PTPRD: variants seen among roughly 807,000 people sequenced by gnomAD.
PTPRD encodes the protein protein tyrosine phosphatase receptor type D.
In PTPRD, 34 loss-of-function variants were observed where a neutral mutation model predicts 214.5. The observed-to-expected ratio is 0.16, with a 90% CI of 0.12 to 0.21. PTPRD has a LOEUF of 0.21. Among genes scored for constraint, PTPRD ranks in the 10% least tolerant of loss-of-function variants. The pLI, the probability that PTPRD is intolerant of heterozygous loss-of-function variation, is 1.00. For missense variants in PTPRD, 2,545 were observed against 2,398.7 expected (o/e 1.06, Z -1.27); for synonymous variants, 1,128 against 845.7 (o/e 1.33, Z -5.79).
chr9:10,507,148 C>T (rs1446084061), intron 2 of PTPRD, among the ~76,000 whole-genome samples: 1 of 152,052 alleles, frequency 6.6e-6, no homozygotes, highest in African/African-American at 2.4e-5. Context: ...TCTTATACAC[C>T]AATAACAGAC....
chr9:10,483,975 G>T, intron 2 of PTPRD, among the ~76,000 whole-genome samples: 1 of 152,156 alleles, frequency 6.6e-6, no homozygotes, highest in East Asian at 1.9e-4. Flanking sequence ...ATTCAAACAT[G>T]TATATCGCAG....
chr9:9,222,748 GT>G (rs1326382844), intron 9 of PTPRD, among the ~76,000 whole-genome samples: 1 of 151,942 alleles, frequency 6.6e-6, no homozygotes, highest in Non-Finnish European at 1.5e-5. Context: ...AATAGATGTT[GT>G]TTACAGTTTG....
intron 8 of PTPRD, among the ~76,000 whole-genome samples, chr9:9,516,512 T>G (rs1234728379): frequency 2.0e-5 from 3 of 149,880 alleles, no homozygotes; most frequent in African/African-American, 7.3e-5. Context: ...TATATATACA[T>G]ATATATTTAT....
At chr9:10,057,398 AG>A (rs2097673714) in intron 3 of PTPRD, among the ~76,000 whole-genome samples, 1 of 152,184 alleles carries the variant, frequency 6.6e-6, no homozygotes, top group Non-Finnish European at 1.5e-5. Context: ...AAAGAAGCCC[AG>A]AGTTTAACAG....
At chr9:8,603,355 TA>T (rs1244507421) in intron 14 of PTPRD, among the ~76,000 whole-genome samples, 23 of 152,192 alleles carry the variant, frequency 1.5e-4, no homozygotes, top group African/African-American at 5.5e-4. Flanking sequence ...ATATTGTACT[TA>T]GACAACAGTT....
chr9:8,554,998 TA>T (rs779418584), intron 14 of PTPRD, among the ~76,000 whole-genome samples: 77 of 149,540 alleles, frequency 5.1e-4, no homozygotes, highest in Non-Finnish European at 8.4e-4. Flanking sequence ...ACTATATATA[TA>T]AAAAATTGTT....
At chr9:8,969,777 C>A (rs1315275680) in intron 11 of PTPRD, among the ~76,000 whole-genome samples, 1 of 151,760 alleles carries the variant, frequency 6.6e-6, no homozygotes, top group Admixed American at 6.6e-5. Context: ...CATACCTTTG[C>A]CCCTAGGGTC....
At chr9:8,356,901 C>T (rs1213592075) in intron 39 of PTPRD, among the ~76,000 whole-genome samples, 2 of 152,056 alleles carry the variant, frequency 1.3e-5, no homozygotes, top group Non-Finnish European at 2.9e-5. Context: ...TTATAGTTTA[C>T]AGTATTAAAT....
At chr9:9,406,048 A>C (rs1454715221) in intron 8 of PTPRD, among the ~76,000 whole-genome samples, 1 of 151,994 alleles carries the variant, frequency 6.6e-6, no homozygotes, top group African/African-American at 2.4e-5. Flanking sequence ...TTGGAATATG[A>C]AGGGCTAATG....
chr9:8,594,813 G>GT (rs1364986912), intron 14 of PTPRD, among the ~76,000 whole-genome samples: 3 of 148,664 alleles, frequency 2.0e-5, no homozygotes, highest in African/African-American at 7.4e-5. Flanking sequence ...CCAGTCTTGA[G>GT]TATTTCTTTA....
At chr9:8,947,897 C>T (rs1262782655) in intron 11 of PTPRD, among the ~76,000 whole-genome samples, 6 of 151,994 alleles carry the variant, frequency 3.9e-5, no homozygotes, top group Non-Finnish European at 7.4e-5. Flanking sequence ...CTCATCTAAT[C>T]CTCACAAATA....
At chr9:9,406,974 T>C (rs2073689423) in intron 8 of PTPRD, among the ~76,000 whole-genome samples, 1 of 151,744 alleles carries the variant, frequency 6.6e-6, no homozygotes, top group Non-Finnish European at 1.5e-5. Context: ...AGTTTGCCAT[T>C]AGCATTGTGA....
At position 10,321,956 on chromosome 9, in the gene PTPRD, A is replaced by G. The variant is rs1363604629; in HGVS notation, c.-545+19007T>C. Among the ~76,000 whole-genome samples the G allele has an allele frequency of 5.5e-4, 84 of 152,200 alleles. 2 individuals carry two copies. The highest frequency in any genetic ancestry group is 1.5e-5 in the Non-Finnish European group (1 of 67,952). ...AGGAAGATTTATTAGTTAGAGATGCATATTAATGTAACTGAAATCTTAAAT... is the reference window on the plus strand; with the variant it reads ...AGGAAGATTTATTAGTTAGAGATGCGTATTAATGTAACTGAAATCTTAAAT... On this transcript the variant is annotated intron_variant, in intron 3 of 45. Coordinates refer to ENST00000381196, the MANE Select transcript of PTPRD (RefSeq NM_002839.4).
chr9:9,513,845 G>C (rs1002900605), intron 8 of PTPRD, among the ~76,000 whole-genome samples: 1 of 152,026 alleles, frequency 6.6e-6, no homozygotes, highest in African/African-American at 2.4e-5. Context: ...TCACCTGCTG[G>C]TTTTTATTAG....
At chr9:10,492,205 T>C (rs2040518284) in intron 2 of PTPRD, among the ~76,000 whole-genome samples, 1 of 152,216 alleles carries the variant, frequency 6.6e-6, no homozygotes, top group South Asian at 2.1e-4. Flanking sequence ...TAGAATAATT[T>C]ATAATCTTTT....
chr9:10,323,615 A>G lies in PTPRD; in HGVS notation c.-545+17348T>C, dbSNP rs74859254. Among the ~76,000 whole-genome samples, 835 of 151,808 alleles carry G rather than the reference A, an allele frequency of 5.5e-3. 10 individuals carry two copies. Among genetic ancestry groups the G allele is most frequent in the African/African-American group, 0.019 (786 of 41,444 alleles). On this transcript the variant is annotated intron_variant, in intron 3 of 45. Transcript: ENST00000381196. ...TCTGGGCAAAGATGGAGGGGCATCA[A>G]TGGAGAGAAAGGAGAGTCCACTGAA...
At chr9:10,154,496 G>T (rs1471323865) in intron 3 of PTPRD, among the ~76,000 whole-genome samples, 1 of 152,110 alleles carries the variant, frequency 6.6e-6, no homozygotes, top group African/African-American at 2.4e-5. Flanking sequence ...TTTTGCATTG[G>T]TTGCAGTTGC....
intron 6 of PTPRD, among the ~76,000 whole-genome samples, 171 bp from the exon 7 acceptor site, chr9:9,734,742 CTG>C (rs916491073): frequency 1.3e-5 from 2 of 151,962 alleles, no homozygotes; most frequent in African/African-American, 4.8e-5. Context: ...TTAACTTAAA[CTG>C]AAGTGTTTAA....
chr9:9,379,904 G>A (rs1268571604), intron 9 of PTPRD, among the ~76,000 whole-genome samples: 1 of 151,870 alleles, frequency 6.6e-6, no homozygotes, highest in Non-Finnish European at 1.5e-5. Context: ...TGTTTTAGTT[G>A]CTTATTAGTT....
Sources: gnomAD v4.1 joint callset for allele counts (sites outside exome capture counted in the v4.1 genomes callset) on GRCh38, gnomAD v4.1.1 for gene constraint, MANE v1.5 for transcripts, NCBI Gene and HGNC (gene_info 2026-07-23, HGNC 2026-07-21) for gene names.